Variants in CSMD1 observed in about 807,000 individuals in gnomAD.
CSMD1 encodes the protein CUB and Sushi multiple domains 1.
CSMD1 carries 213 observed loss-of-function variants against 417.5 expected under a neutral mutation model. That is an observed-to-expected ratio of 0.51 (90% CI 0.46 to 0.57). CSMD1 has a LOEUF of 0.57. CSMD1 is among the 20% of genes least tolerant of loss of function. The pLI, the probability that CSMD1 is intolerant of heterozygous loss-of-function variation, is 0.00. For synonymous variants in CSMD1, 2,862 were observed against 1,736.8 expected (o/e 1.65, Z -16.11); for missense variants, 6,923 against 4,529.7 (o/e 1.53, Z -15.17).
chr8:4,993,663 T>G (rs905705718), intron 1 of CSMD1, among the ~76,000 whole-genome samples: 2 of 152,100 alleles, frequency 1.3e-5, no homozygotes, highest in African/African-American at 2.4e-5. Context: ...GGTCCAGAAC[T>G]CCTAGCCTGT....
chr8:3,960,128 T>G (rs1563256127), intron 5 of CSMD1, among the ~76,000 whole-genome samples: 1 of 152,194 alleles, frequency 6.6e-6, no homozygotes, highest in South Asian at 2.1e-4. Context: ...AAAATGATAA[T>G]GATAGAAACT....
intron 5 of CSMD1, among the ~76,000 whole-genome samples, chr8:3,775,152 A>G (rs577246319): frequency 6.6e-6 from 1 of 152,342 alleles, no homozygotes; most frequent in African/African-American, 2.4e-5. Flanking sequence ...GATAAGGAGG[A>G]ACTACTGTAT....
At chr8:4,081,836 A>AT (rs1415446180) in intron 3 of CSMD1, among the ~76,000 whole-genome samples, 1 of 152,170 alleles carries the variant, frequency 6.6e-6, no homozygotes, top group East Asian at 1.9e-4. Context: ...AAGTTAAAAA[A>AT]AGTTGAAACC....
At chr8:4,516,648 C>A (rs1245685365) in intron 2 of CSMD1, among the ~76,000 whole-genome samples, 1 of 152,082 alleles carries the variant, frequency 6.6e-6, no homozygotes, top group East Asian at 1.9e-4. Context: ...TGTGATCCTG[C>A]CTCTCTCAAG....
chr8:3,782,889 C>T (rs1289563862), intron 5 of CSMD1, among the ~76,000 whole-genome samples: 2 of 152,000 alleles, frequency 1.3e-5, no homozygotes, highest in Non-Finnish European at 2.9e-5. Flanking sequence ...TGAGCCATTA[C>T]CAAAAAATAA....
chr8:3,167,104 G>A (rs1281438710), intron 37 of CSMD1, among the ~76,000 whole-genome samples: 1 of 152,152 alleles, frequency 6.6e-6, no homozygotes, highest in Admixed American at 6.5e-5. Flanking sequence ...GGTCAACATG[G>A]TGAAACCCCG....
At chr8:3,742,609 C>T (rs1236549239) in intron 6 of CSMD1, among the ~76,000 whole-genome samples, 11 of 152,092 alleles carry the variant, frequency 7.2e-5, no homozygotes, top group Admixed American at 3.9e-4. Flanking sequence ...CACCCTAGGA[C>T]GTGCCCAGGT....
At chr8:3,416,266 G>A (rs1376598631) in intron 12 of CSMD1, among the ~76,000 whole-genome samples, 3 of 127,350 alleles carry the variant, frequency 2.4e-5, no homozygotes, top group African/African-American at 9.1e-5. Flanking sequence ...CTGCGCAACT[G>A]CACTCCAGCC....
At chr8:4,451,234 G>A (rs1799126137) in intron 2 of CSMD1, among the ~76,000 whole-genome samples, 1 of 152,156 alleles carries the variant, frequency 6.6e-6, no homozygotes, top group African/African-American at 2.4e-5. Flanking sequence ...GGGAGGCTAA[G>A]GAGGGAAGAT....
chr8:3,264,112 A>T (rs1045296442), intron 26 of CSMD1, among the ~76,000 whole-genome samples: 3 of 152,202 alleles, frequency 2.0e-5, no homozygotes, highest in Non-Finnish European at 4.4e-5. Context: ...TATTCACCTC[A>T]ATAATATGAT....
chr8:4,150,891 G>GAATTAC (rs869190979), intron 3 of CSMD1, among the ~76,000 whole-genome samples: 1 of 152,138 alleles, frequency 6.6e-6, no homozygotes, highest in African/African-American at 2.4e-5. Flanking sequence ...AGAAACGCCT[G>GAATTAC]AGAAAGAGCA....
intron 1 of CSMD1, among the ~76,000 whole-genome samples, chr8:4,865,911 A>G (rs1210676606): frequency 6.6e-6 from 1 of 151,938 alleles, no homozygotes; most frequent in African/African-American, 2.4e-5. Context: ...AAAATCACTG[A>G]GGAGCTTTCA....
chr8:3,555,337 C>A (rs1455778816), intron 10 of CSMD1, among the ~76,000 whole-genome samples: 3 of 152,048 alleles, frequency 2.0e-5, no homozygotes, highest in African/African-American at 7.2e-5. Flanking sequence ...TCTTGGGACA[C>A]GTTCAGGGTA....
chr8:3,975,973 T>C (rs1477856409), intron 5 of CSMD1, among the ~76,000 whole-genome samples: 1 of 152,186 alleles, frequency 6.6e-6, no homozygotes, highest in African/African-American at 2.4e-5. Flanking sequence ...AAAATCAGTT[T>C]TTAATCTATC....
chr8:3,369,304 TA>T lies in CSMD1; in HGVS notation c.2848del (p.Tyr950IlefsTer5). The T allele has an allele frequency of 6.2e-7, 1 of 1,608,632 alleles. No individual in the cohort carries two copies. Among genetic ancestry groups the T allele is most frequent in the Non-Finnish European group, 8.5e-7 (1 of 1,175,442 alleles). On this transcript the variant is annotated frameshift_variant, in exon 19 of 70. Coordinates refer to ENST00000635120, the MANE Select transcript of CSMD1 (RefSeq NM_033225.6). LOFTEE classifies it high-confidence loss of function. ...CCACGTGCAGTTTAGAGAGTTTGGA[TA>T]AAAATCTGGAAACCCAGGAGAAAGG... is the stretch of plus-strand genomic sequence containing the variant. ...TVLSPGFPDF[Y>X]PNSLNCTWTI...
intron 6 of CSMD1, among the ~76,000 whole-genome samples, chr8:3,717,672 A>G (rs1585125933): frequency 6.6e-6 from 1 of 152,314 alleles, no homozygotes; most frequent in Admixed American, 6.5e-5. Flanking sequence ...TGTGCATTGT[A>G]TATATAAGTT....
At chr8:4,470,168 C>G (rs1341814159) in intron 2 of CSMD1, among the ~76,000 whole-genome samples, 1 of 152,028 alleles carries the variant, frequency 6.6e-6, no homozygotes, top group South Asian at 2.1e-4. Context: ...GTTTTCATAA[C>G]CTCATCTATT....
chr8:4,269,811 C>G (rs1481332326), intron 3 of CSMD1, among the ~76,000 whole-genome samples: 4 of 152,154 alleles, frequency 2.6e-5, no homozygotes, highest in Non-Finnish European at 5.9e-5. Context: ...CCAATGAAGT[C>G]TCAGAATTAC....
intron 3 of CSMD1, among the ~76,000 whole-genome samples, chr8:4,225,481 G>C (rs1385142054): frequency 6.8e-6 from 1 of 146,898 alleles, no homozygotes; most frequent in Non-Finnish European, 1.5e-5. Context: ...AATGCTTCAA[G>C]TTTATATAAA....
Sources: allele counts gnomAD v4.1 joint callset (sites outside exome capture counted in the v4.1 genomes callset), GRCh38; gene constraint gnomAD v4.1.1; transcripts MANE v1.5; gene names NCBI Gene and HGNC (gene_info 2026-07-23, HGNC 2026-07-21).